Variants in DMRTB1 observed in about 807,000 individuals in gnomAD.
The protein encoded by DMRTB1 is DMRT like family B with proline rich C-terminal 1.
DMRTB1 carries 9 observed loss-of-function variants against 25.2 expected under a neutral mutation model. The observed-to-expected ratio is 0.36, with a 90% CI of 0.22 to 0.62. The LOEUF (loss-of-function observed/expected upper bound fraction) is 0.62, where lower values mean the gene tolerates loss of function less well. Among genes scored for constraint, DMRTB1 ranks in the 20% least tolerant of loss-of-function variants. DMRTB1 has a pLI of 0.71. For synonymous variants in DMRTB1, 269 were observed against 238.1 expected (o/e 1.13, Z -1.20); for missense variants, 551 against 499.3 (o/e 1.10, Z -0.99).
At chr1:53,464,517 T>G (rs971590793) in intron 2 of DMRTB1, 120 bp from the exon 3 acceptor site, 1 of 1,490,298 alleles carries the variant, frequency 6.7e-7, no homozygotes, top group Non-Finnish European at 9.3e-7. Context: ...TGCCTGTGTG[T>G]TTGGGGCCGT....
intron 3 of DMRTB1, 125 bp downstream of exon 3, chr1:53,464,972 C>T: frequency 2.2e-6 from 3 of 1,337,084 alleles, no homozygotes; most frequent in South Asian, 2.4e-5. Context: ...GGTGTTGAGC[C>T]CTAGAATGAG....
chr1:53,466,619 C>G lies in DMRTB1; in HGVS notation c.986C>G (p.Ser329Trp), dbSNP rs138818482. The G allele has an allele frequency of 2.5e-6, 4 of 1,614,236 alleles. No individual in the cohort carries two copies. Among genetic ancestry groups the G allele is most frequent in the Non-Finnish European group, 3.4e-6 (4 of 1,180,040 alleles). ...NTDDQDAEVL[S>W]GEPSQPSSQE... ...GATGACCAGGATGCAGAGGTACTGT[C>G]GGGTGAGCCCAGCCAGCCATCGTCT... The change falls in exon 4 of 4, where the codon TCG becomes TGG. Residue 329 changes from serine to tryptophan, a missense_variant. Ser to Trp is a radical substitution (Grantham distance 177). Transcript: ENST00000371445.
At chr1:53,465,364 T>A (rs1644045400) in intron 3 of DMRTB1, among the ~76,000 whole-genome samples, 1 of 152,198 alleles carries the variant, frequency 6.6e-6, no homozygotes, top group Non-Finnish European at 1.5e-5. Context: ...CTTCACAAGC[T>A]CTGCCACTGG....
chr1:53,459,522 C>T lies in DMRTB1; in HGVS notation c.69C>T (p.Val23=), dbSNP rs1557921076. The stretch of plus-strand genomic sequence containing the variant: ...GGAACCATGGCTTCCTGGTGCCCGT[C>T]AAGGGACACGCGGGCAAATGCCGCT... ...RCRNHGFLVP[V]KGHAGKCRWK... The change falls in exon 1 of 4, where the codon GTC becomes GTT. Residue 23 remains valine, a synonymous_variant. Coordinates refer to ENST00000371445, the MANE Select transcript of DMRTB1 (RefSeq NM_033067.3). 1 of 1,613,226 alleles carries T rather than the reference C, an allele frequency of 6.2e-7. No homozygotes were observed. Among genetic ancestry groups the T allele is most frequent in the Non-Finnish European group, 8.5e-7 (1 of 1,179,998 alleles).
chr1:53,464,541 C>T, intron 2 of DMRTB1, 96 bp from the exon 3 acceptor site: 1 of 1,590,500 alleles, frequency 6.3e-7, no homozygotes, highest in Non-Finnish European at 8.6e-7. Flanking sequence ...TCTACCCCAT[C>T]AGGAGCCCCC....
chr1:53,464,856 G>A lies in DMRTB1; in HGVS notation c.961+9G>A. 6.2e-7 allele frequency: 1 copy of A among 1,613,728 alleles called. No individual in the cohort carries two copies. The highest frequency in any genetic ancestry group is 2.2e-5 in the East Asian group (1 of 44,876). The stretch of plus-strand genomic sequence containing the variant: ...TGACAAGGAGAACACTGGTGAGTGA[G>A]CTCCAGTCTTCCAGCTTCAGCGAGA... On this transcript the variant is annotated intron_variant, in intron 3 of 3. Transcript: ENST00000371445.
In DMRTB1 at chr1:53,466,650, G is replaced by A. The variant is rs747078990; in HGVS notation, c.1017G>A (p.Glu339=). ...SGEPSQPSSQ[E]QSD ...AGCCCAGCCAGCCATCGTCTCAGGA[G>A]CAGTCCGACTAGGCCCCAGGCCCGC... Residue 339 remains glutamate, a synonymous_variant, in exon 4 of 4, where the codon GAG becomes GAA. Transcript: ENST00000371445. The A allele has an allele frequency of 2.5e-6, 4 of 1,614,230 alleles. No individual in the cohort carries two copies. The highest frequency in any genetic ancestry group is 3.3e-4 in the Middle Eastern group (2 of 6,062).
chr1:53,464,918 T>C, intron 3 of DMRTB1, 71 bp downstream of exon 3: 1 of 1,593,156 alleles, frequency 6.3e-7, no homozygotes, highest in Non-Finnish European at 8.6e-7. Context: ...GTACCTAATC[T>C]GAAGAAAGGT....
intron 3 of DMRTB1, among the ~76,000 whole-genome samples, chr1:53,466,298 C>T (rs906469101): frequency 1.3e-5 from 2 of 152,108 alleles, no homozygotes; most frequent in African/African-American, 4.8e-5. Flanking sequence ...CAAGACCAGC[C>T]TGGCCAACAT....
rs1318080420 is a variant in DMRTB1, at chr1:53,459,973, C to T, written c.520C>T (p.Pro174Ser). The change falls in exon 1 of 4, where the codon CCC becomes TCC. Residue 174 changes from proline (P) to serine (S), a missense_variant. Physicochemically the swap from Pro to Ser is moderately conservative, Grantham distance 74. Transcript: ENST00000371445. ...GGCCGCAGGCAGTGGCTACCCTGGC[C>T]CCCTAGACCTGCGCAGGCCGATGCG... ...AEAAGSGYPG[P>S]LDLRRPMRTV... 1 of 1,583,022 alleles carries T rather than the reference C, an allele frequency of 6.3e-7. No homozygotes were observed. The highest frequency in any genetic ancestry group is 1.4e-5 in the African/African-American group (1 of 73,364).
rs543861092 is a variant in DMRTB1, at chr1:53,466,707, G to A, written c.*45G>A. 2 of 1,576,608 alleles carry A rather than the reference G, an allele frequency of 1.3e-6. No individual in the cohort carries two copies. Among genetic ancestry groups the A allele is most frequent in the African/African-American group, 1.4e-5 (1 of 73,988 alleles). ...GGCCAGCAGAGTGGGGCACTGGGGGGCAACAGCAACAGTTTTCTTGTCTTC... is the reference window on the plus strand; with the variant it reads ...GGCCAGCAGAGTGGGGCACTGGGGGACAACAGCAACAGTTTTCTTGTCTTC... On this transcript the variant is annotated 3_prime_UTR_variant, in exon 4 of 4. Coordinates refer to ENST00000371445, the MANE Select transcript of DMRTB1 (RefSeq NM_033067.3).
intron 3 of DMRTB1, among the ~76,000 whole-genome samples, chr1:53,465,791 G>T (rs1397239127): frequency 6.6e-6 from 1 of 152,238 alleles, no homozygotes; most frequent in African/African-American, 2.4e-5. Flanking sequence ...TCCAGCACTT[G>T]CCCAGCTGTG....
At chr1:53,462,039 C>T (rs947255275) in intron 2 of DMRTB1, among the ~76,000 whole-genome samples, 2 of 152,148 alleles carry the variant, frequency 1.3e-5, no homozygotes, top group Non-Finnish European at 2.9e-5. Flanking sequence ...GGCTCCCTGC[C>T]CACAGGTATA....
chr1:53,464,139 C>T (rs1351020937), intron 2 of DMRTB1, among the ~76,000 whole-genome samples: 1 of 152,192 alleles, frequency 6.6e-6, no homozygotes, highest in Non-Finnish European at 1.5e-5. Context: ...ACAGGGGGTC[C>T]TGTGGGGTTG....
At chr1:53,466,252 A>C (rs1644049334) in intron 3 of DMRTB1, among the ~76,000 whole-genome samples, 1 of 152,106 alleles carries the variant, frequency 6.6e-6, no homozygotes, top group Non-Finnish European at 1.5e-5. Context: ...CACTTTGGGG[A>C]GGGTGAGGTG....
chr1:53,461,007 A>C (rs1644019014), intron 1 of DMRTB1, among the ~76,000 whole-genome samples: 2 of 152,202 alleles, frequency 1.3e-5, no homozygotes. Flanking sequence ...ACAGACAAGC[A>C]GGGCTGAGCC....
At chr1:53,466,189 T>G (rs1167791465) in intron 3 of DMRTB1, among the ~76,000 whole-genome samples, 1 of 152,070 alleles carries the variant, frequency 6.6e-6, no homozygotes, top group Non-Finnish European at 1.5e-5. Flanking sequence ...GAGAAAGGCT[T>G]ATGGAAAATC....
In DMRTB1 at chr1:53,461,625, C is replaced by A; in HGVS notation, c.730C>A (p.Gln244Lys). ...QQGFRHVSRSQYQGGGLVSEP... is the reference protein window; with the variant it reads ...QQGFRHVSRSKYQGGGLVSEP... Reference sequence around the variant, plus strand: ...GGGCTTCCGGCATGTGTCCCGCAGCCAGTACCAAGGCGGAGGCTTGGTGAG... The same window carrying A: ...GGGCTTCCGGCATGTGTCCCGCAGCAAGTACCAAGGCGGAGGCTTGGTGAG... Residue 244 changes from glutamine (Q) to lysine (K), a missense_variant, in exon 2 of 4, where the codon CAG (glutamine) becomes AAG (lysine). Coordinates refer to ENST00000371445, the MANE Select transcript of DMRTB1 (RefSeq NM_033067.3). 1 of 1,603,416 alleles carries A rather than the reference C, an allele frequency of 6.2e-7. No individual in the cohort carries two copies. Among genetic ancestry groups the A allele is most frequent in the Non-Finnish European group, 8.5e-7 (1 of 1,175,688 alleles).
intron 2 of DMRTB1, among the ~76,000 whole-genome samples, chr1:53,462,585 G>T (rs1010250681): frequency 6.6e-6 from 1 of 152,172 alleles, no homozygotes; most frequent in African/African-American, 2.4e-5. Flanking sequence ...ATAATTCCAG[G>T]GTGTCTATTG....
Sources: allele counts gnomAD v4.1 joint callset (sites outside exome capture counted in the v4.1 genomes callset), GRCh38; gene constraint gnomAD v4.1.1; transcripts MANE v1.5; gene names NCBI Gene and HGNC (gene_info 2026-07-23, HGNC 2026-07-21).